The following CALN1 variants were observed in gnomAD, a reference collection of about 807,000 sequenced individuals.
The protein encoded by CALN1 is calcium-binding protein 8.
CALN1 carries 17 observed loss-of-function variants against 30.6 expected under a neutral mutation model. The ratio of observed to expected loss-of-function variants is 0.56; its 90% CI spans 0.38 to 0.83. CALN1 has a LOEUF of 0.83. Among genes scored for constraint, CALN1 ranks in the 40% least tolerant of loss-of-function variants. The pLI is 0.00. For missense variants in CALN1, 291 were observed against 354.9 expected (o/e 0.82, Z 1.45); for synonymous variants, 156 against 131.4 (o/e 1.19, Z -1.28).
At position 71,784,862 on chromosome 7, in the gene CALN1, C is replaced by T. The variant is rs541787723; in HGVS notation, c.*2913G>A. On this transcript the variant is annotated 3_prime_UTR_variant, in exon 7 of 7. Coordinates refer to ENST00000395275, the MANE Select transcript of CALN1 (RefSeq NM_031468.4). ...ACCAGGACCTTCTGGAATCTTCAGC[C>T]GTGAGCTTCATAGCCACCATGATGG... The T allele has an allele frequency of 2.3e-5, 9 of 398,654 alleles. No homozygotes were observed. Among genetic ancestry groups the T allele is most frequent in the South Asian group, 1.3e-4 (1 of 7,858 alleles). 24.7% of individuals were successfully genotyped at this position (398,654 alleles called of 1,614,324 possible).
intron 5 of CALN1, among the ~76,000 whole-genome samples, chr7:71,967,103 T>C (rs534791871): frequency 1.8e-3 from 271 of 152,186 alleles, no homozygotes; most frequent in African/African-American, 5.9e-3. Flanking sequence ...CAGTTCAAAA[T>C]GGAAACAACT....
At chr7:72,066,398 C>T (rs554571209) in intron 4 of CALN1, among the ~76,000 whole-genome samples, 2 of 152,302 alleles carry the variant, frequency 1.3e-5, no homozygotes, top group South Asian at 4.1e-4. Context: ...CTATCTTAAC[C>T]ACACACATAC....
chr7:72,132,048 AT>A (rs1241845862), intron 3 of CALN1, among the ~76,000 whole-genome samples: 2 of 152,182 alleles, frequency 1.3e-5, no homozygotes, highest in African/African-American at 4.8e-5. Flanking sequence ...TGTATATGCA[AT>A]ATATGTTTAT....
intron 6 of CALN1, among the ~76,000 whole-genome samples, chr7:71,803,257 T>C (rs1787411754): frequency 6.6e-6 from 1 of 152,122 alleles, no homozygotes; most frequent in South Asian, 2.1e-4. Flanking sequence ...GGGTGGAATG[T>C]GGTCAGCACC....
At chr7:72,297,731 T>C (rs1362106867) in intron 2 of CALN1, among the ~76,000 whole-genome samples, 2 of 152,144 alleles carry the variant, frequency 1.3e-5, no homozygotes, top group Non-Finnish European at 2.9e-5. Flanking sequence ...GGAAGAAAAA[T>C]GTCATTGGCA....
chr7:71,795,591 C>G (rs1010422206), intron 6 of CALN1, among the ~76,000 whole-genome samples: 2 of 152,252 alleles, frequency 1.3e-5, no homozygotes, highest in South Asian at 2.1e-4. Context: ...GCCATTTTTT[C>G]ACCCTAAAAA....
chr7:72,291,595 T>C (rs1208414314), intron 2 of CALN1, among the ~76,000 whole-genome samples: 2 of 152,226 alleles, frequency 1.3e-5, no homozygotes, highest in African/African-American at 4.8e-5. Context: ...CCTTTCTCTT[T>C]TGTAGCCATT....
At chr7:71,791,167 A>G (rs1016138054) in intron 6 of CALN1, among the ~76,000 whole-genome samples, 2 of 152,204 alleles carry the variant, frequency 1.3e-5, no homozygotes, top group Non-Finnish European at 2.9e-5. Context: ...ATCTCTAAAA[A>G]TGGCATTGAT....
At chr7:72,042,817 T>C (rs1802214438) in intron 4 of CALN1, among the ~76,000 whole-genome samples, 1 of 152,168 alleles carries the variant, frequency 6.6e-6, no homozygotes. Flanking sequence ...AGTTTGGCCT[T>C]GATGAACCAC....
At chr7:72,126,804 CTGGGAGGG>C (rs1808797344) in intron 3 of CALN1, among the ~76,000 whole-genome samples, 1 of 98,056 alleles carries the variant, frequency 1.0e-5, no homozygotes, top group African/African-American at 3.9e-5. Context: ...TCTTTTATGG[CTGGGAGGG>C]TGGGAGGGGT....
chr7:72,247,223 CTTTCTTTTTTTTTTTTTTTT>C (rs1276720853), intron 3 of CALN1, among the ~76,000 whole-genome samples: 2,216 of 43,490 alleles, frequency 0.051, 141 homozygotes, highest in African/African-American at 0.12. Context: ...AGACCATTTT[CTTTCTTTTTTTTTTTTTTTT>C]TTTTTTTTTT....
At chr7:71,977,835 G>A (rs1381517024) in intron 5 of CALN1, among the ~76,000 whole-genome samples, 2 of 151,424 alleles carry the variant, frequency 1.3e-5, no homozygotes, top group Middle Eastern at 6.8e-3. Flanking sequence ...GGGAGGTTGA[G>A]GAAGGAGAAT....
chr7:72,217,359 T>C (rs1404324436), intron 3 of CALN1, among the ~76,000 whole-genome samples: 1 of 152,156 alleles, frequency 6.6e-6, no homozygotes, highest in East Asian at 1.9e-4. Flanking sequence ...ATCTTGCCTC[T>C]TGGAGTATGA....
intron 1 of CALN1, among the ~76,000 whole-genome samples, chr7:72,404,638 G>GTATCCTGGGAA (rs1318220908): frequency 6.6e-6 from 1 of 152,160 alleles, no homozygotes; most frequent in Non-Finnish European, 1.5e-5. Context: ...CCTGAACATT[G>GTATCCTGGGAA]TATCCTGGGA....
chr7:72,071,873 G>A (rs764924401), intron 4 of CALN1, among the ~76,000 whole-genome samples: 2 of 152,052 alleles, frequency 1.3e-5, no homozygotes, highest in Non-Finnish European at 2.9e-5. Context: ...AAGACATAGA[G>A]AAAGTCAAGA....
At chr7:72,289,797 A>C (rs761176034) in intron 2 of CALN1, among the ~76,000 whole-genome samples, 39 of 152,134 alleles carry the variant, frequency 2.6e-4, no homozygotes, top group Non-Finnish European at 4.6e-4. Context: ...CATTTTTAAG[A>C]ATGAATGCAT....
intron 5 of CALN1, among the ~76,000 whole-genome samples, chr7:71,980,891 A>C (rs573232523): frequency 6.2e-4 from 94 of 152,146 alleles, no homozygotes; most frequent in African/African-American, 2.2e-3. Flanking sequence ...TCATTCCTTG[A>C]AAGCAGGTGC....
intron 5 of CALN1, among the ~76,000 whole-genome samples, chr7:71,929,194 C>T (rs1285501417): frequency 6.6e-6 from 1 of 152,096 alleles, no homozygotes; most frequent in African/African-American, 2.4e-5. Context: ...TAAACACGTG[C>T]CATGGTGGTT....
chr7:72,479,835 G>C, the CALN1 span, among the ~76,000 whole-genome samples: 1 of 152,190 alleles, frequency 6.6e-6, no homozygotes, highest in South Asian at 2.1e-4. Flanking sequence ...ACAGGCATGA[G>C]CCACTGAGCC....
Sources: allele counts gnomAD v4.1 joint callset (sites outside exome capture counted in the v4.1 genomes callset), GRCh38; gene constraint gnomAD v4.1.1; transcripts MANE v1.5; gene names NCBI Gene and HGNC (gene_info 2026-07-23, HGNC 2026-07-21).